Variants in TTBK2 observed in about 807,000 individuals in gnomAD.
TTBK2 encodes the protein tau tubulin kinase 2, also known as tau-tubulin kinase 2.
TTBK2 carries 28 observed loss-of-function variants against 110.8 expected under a neutral mutation model. The ratio of observed to expected loss-of-function variants is 0.25; its 90% CI spans 0.19 to 0.35. The LOEUF (loss-of-function observed/expected upper bound fraction) is 0.35, where lower values mean the gene tolerates loss of function less well. Among genes scored for constraint, TTBK2 ranks in the 10% least tolerant of loss-of-function variants. TTBK2 has a pLI of 1.00. For missense variants in TTBK2, 1,369 were observed against 1,500.3 expected, an observed-to-expected ratio of 0.91 and a Z score of 1.45; for synonymous variants, 532 against 527.3, an observed-to-expected ratio of 1.01 and a Z score of -0.12.
chr15:42,906,380 T>C (rs982633243), intron 1 of TTBK2, among the ~76,000 whole-genome samples: 6 of 152,212 alleles, frequency 3.9e-5, no homozygotes, highest in South Asian at 2.1e-4. Flanking sequence ...ATCAAATTCA[T>C]ATAAAAATAT....
intron 3 of TTBK2, among the ~76,000 whole-genome samples, chr15:42,853,592 A>G (rs1445219295): frequency 6.6e-6 from 1 of 152,238 alleles, no homozygotes; most frequent in African/African-American, 2.4e-5. Context: ...GAAAAAGTAC[A>G]AGAGATGATG....
chr15:42,826,529 T>C (rs1392399569), intron 6 of TTBK2, among the ~76,000 whole-genome samples: 1 of 152,224 alleles, frequency 6.6e-6, no homozygotes, highest in Admixed American at 6.5e-5. Flanking sequence ...GTAAATAGAC[T>C]GTAAACTACT....
intron 1 of TTBK2, among the ~76,000 whole-genome samples, chr15:42,910,447 C>A (rs968286112): frequency 1.3e-5 from 2 of 152,198 alleles, no homozygotes; most frequent in African/African-American, 4.8e-5. Context: ...AGCCTAATAC[C>A]TACCATTGAA....
intron 7 of TTBK2, among the ~76,000 whole-genome samples, chr15:42,814,574 C>T (rs1891861925): frequency 6.6e-6 from 1 of 152,060 alleles, no homozygotes; most frequent in East Asian, 1.9e-4. Context: ...AAGACCCTGT[C>T]TCTAAAAAGT....
At chr15:42,864,154 A>G (rs1894269830) in intron 3 of TTBK2, among the ~76,000 whole-genome samples, 1 of 152,228 alleles carries the variant, frequency 6.6e-6, no homozygotes, top group South Asian at 2.1e-4. Context: ...CAACCTACAG[A>G]ATGGGAGAAA....
intron 12 of TTBK2, among the ~76,000 whole-genome samples, chr15:42,776,103 T>C (rs1435701768): frequency 6.6e-6 from 1 of 152,180 alleles, no homozygotes. Flanking sequence ...TTACATAACA[T>C]AGCTATGAAT....
chr15:42,740,779 T>G lies in TTBK2; in HGVS notation c.*5016A>C, dbSNP rs1277978882. On this transcript the variant is annotated 3_prime_UTR_variant, in exon 15 of 15. Transcript: ENST00000267890. ...ACCCTGTTAGCCAGGATGGTCTCGA[T>G]CTCCTCACCTCGTGATCTGCCCGCC... is the stretch of plus-strand genomic sequence containing the variant. 6.6e-6 allele frequency: 1 copy of G among 152,254 alleles called. No individual in the cohort carries two copies. The highest frequency in any genetic ancestry group is 1.5e-5 in the Non-Finnish European group (1 of 68,114). The allele number at this position is 152,254 out of a possible 1,614,324, so 9.4% of individuals were successfully genotyped here. A position where few individuals can be genotyped will look rare whatever the true frequency, so the allele number is the denominator to read the frequency against.
chr15:42,821,041 A>G (rs1453037344), intron 6 of TTBK2, among the ~76,000 whole-genome samples: 1 of 151,966 alleles, frequency 6.6e-6, no homozygotes, highest in African/African-American at 2.4e-5. Context: ...ACTTTGTCTA[A>G]AAGAAAAAAA....
intron 3 of TTBK2, among the ~76,000 whole-genome samples, chr15:42,857,216 CT>C (rs1893979658): frequency 6.6e-6 from 1 of 151,974 alleles, no homozygotes; most frequent in African/African-American, 2.4e-5. Context: ...TAAAACAGTT[CT>C]AAAAAGTAAA....
intron 13 of TTBK2, among the ~76,000 whole-genome samples, chr15:42,763,615 A>T (rs1296046061): frequency 6.6e-6 from 1 of 152,138 alleles, no homozygotes; most frequent in Non-Finnish European, 1.5e-5. Context: ...AGTTACACTG[A>T]TCTAGTCACT....
At chr15:42,802,317 A>G (rs558613700) in intron 9 of TTBK2, 128 of 776,286 alleles carry the variant, frequency 1.6e-4, no homozygotes, top group South Asian at 1.6e-3. Context: ...TGATGCAGGC[A>G]CCAGGCCCAC....
Position 42,878,635 on chromosome 15 carries a change from G to A in TTBK2, c.-18C>T. 2 of 1,613,602 alleles carry A rather than the reference G, an allele frequency of 1.2e-6. No homozygotes were observed. ...CCACTCATTGCAATACACTGATATG[G>A]TAGAACAGCTACACAGGCATCCAGT... On this transcript the variant is annotated 5_prime_UTR_variant, in exon 2 of 15. Transcript: ENST00000267890.
chr15:42,752,661 T>A lies in TTBK2; in HGVS notation c.2585A>T (p.His862Leu), dbSNP rs1297047277. 6.2e-7 allele frequency: 1 copy of A among 1,614,170 alleles called. No homozygotes were observed. The highest frequency in any genetic ancestry group is 1.1e-5 in the South Asian group (1 of 91,078). ...SEISSRDIDP[H>L]VEGQIGQVAE... ...CACTTGGCCTATCTGACCTTCAACATGTGGGTCAATGTCTCTGGAAGAAAT... is the reference window on the plus strand; with the variant it reads ...CACTTGGCCTATCTGACCTTCAACAAGTGGGTCAATGTCTCTGGAAGAAAT... Residue 862 changes from histidine (H) to leucine (L), a missense_variant, in exon 14 of 15, where the codon CAT becomes CTT. By Grantham distance (99) the His-to-Leu change is moderately conservative (BLOSUM62 -3). This residue lies in a region of TTBK2 where 1,097 missense variants were observed against 1,114.7 expected (regional missense o/e 0.98). Coordinates refer to ENST00000267890, the MANE Select transcript of TTBK2 (RefSeq NM_173500.4).
At chr15:42,812,634 G>C (rs1024239991) in intron 7 of TTBK2, among the ~76,000 whole-genome samples, 11 of 152,124 alleles carry the variant, frequency 7.2e-5, no homozygotes, top group African/African-American at 2.6e-4. Context: ...ATAAGCTAAT[G>C]TCAAAAGAAG....
chr15:42,784,107 T>G (rs1236628342), intron 10 of TTBK2, among the ~76,000 whole-genome samples: 1 of 151,468 alleles, frequency 6.6e-6, no homozygotes, highest in Non-Finnish European at 1.5e-5. Context: ...AAAAAAAAAC[T>G]TAGGTCATGC....
At chr15:42,870,877 T>C (rs1894588671) in intron 3 of TTBK2, among the ~76,000 whole-genome samples, 2 of 149,512 alleles carry the variant, frequency 1.3e-5, no homozygotes, top group Admixed American at 1.3e-4. Context: ...AAAAAAAAAA[T>C]CCTTATCCCA....
intron 1 of TTBK2, among the ~76,000 whole-genome samples, chr15:42,901,393 G>A (rs1339255858): frequency 6.6e-6 from 1 of 151,546 alleles, no homozygotes; most frequent in Non-Finnish European, 1.5e-5. Flanking sequence ...GGAAAACATA[G>A]GGGTAATGTA....
chr15:42,785,515 C>T (rs1890372345), intron 10 of TTBK2, among the ~76,000 whole-genome samples: 2 of 152,262 alleles, frequency 1.3e-5, no homozygotes, highest in Non-Finnish European at 2.9e-5. Context: ...ACTAGACTTT[C>T]TGTAATTATA....
In TTBK2 at chr15:42,744,405, C is replaced by A. The variant is rs1389493420; in HGVS notation, c.*1390G>T. On this transcript the variant is annotated 3_prime_UTR_variant, in exon 15 of 15. Transcript: ENST00000267890. ...CAAACACAAGGTCAAACAGAAAGCA[C>A]ATATGTTTGCTAGAAGGCAAATTTC... 6.6e-6 allele frequency: 1 copy of A among 152,258 alleles called. No individual in the cohort carries two copies. The highest frequency in any genetic ancestry group is 2.1e-4 in the South Asian group (1 of 4,824). 9.4% of individuals were successfully genotyped at this position (152,258 alleles called of 1,614,324 possible). A position where few individuals can be genotyped will look rare whatever the true frequency, so the allele number is the denominator to read the frequency against.
Sources: gnomAD v4.1 joint callset for allele counts (sites outside exome capture counted in the v4.1 genomes callset) on GRCh38, gnomAD v4.1.1 for gene constraint, gnomAD v4.1.1 regional missense constraint, MANE v1.5 for transcripts, NCBI Gene and HGNC (gene_info 2026-07-23, HGNC 2026-07-21) for gene names.